The following EXOSC4 variants were observed in gnomAD, a reference collection of about 807,000 sequenced individuals.
EXOSC4 encodes exosome component 4.
In EXOSC4, 14 loss-of-function variants were observed where a neutral mutation model predicts 20.0. That is an observed-to-expected ratio of 0.70 (90% CI 0.46 to 1.09). The LOEUF is 1.09. EXOSC4 is among the 50% of genes least tolerant of loss of function. The probability of loss-of-function intolerance (pLI) is 0.00; values close to 1 mark genes in which losing one functional copy is unlikely to be tolerated. For synonymous variants in EXOSC4, 148 were observed against 146.4 expected, an observed-to-expected ratio of 1.01 and a Z score of -0.08; for missense variants, 337 against 334.0, an observed-to-expected ratio of 1.01 and a Z score of -0.07.
the EXOSC4 span, among the ~76,000 whole-genome samples, chr8:144,067,583 C>A: frequency 6.6e-6 from 1 of 152,192 alleles, no homozygotes; most frequent in Non-Finnish European, 1.5e-5. Flanking sequence ...GAACACCTGA[C>A]TCCTCAGAAG....
chr8:144,071,337 T>C, the EXOSC4 span, among the ~76,000 whole-genome samples: 52 of 138,498 alleles, frequency 3.8e-4, no homozygotes, highest in African/African-American at 1.1e-3. Context: ...CTCCTCTCCT[T>C]TCCTTTCTGA....
rs1587586119 is a variant in EXOSC4, at chr8:144,078,684, C to T, written c.-45C>T. On this transcript the variant is annotated 5_prime_UTR_variant, in exon 1 of 3. Transcript: ENST00000316052. This position sits in a 1 kb window ranked among gnomAD's most constrained non-coding sequence, Gnocchi z 4.7. ...GCCGCCGGGAGCTGTAGTTCTCCCGCGGCTCAGAGAAGTAGGCAGAGAGCG... is the reference window on the plus strand; with the variant it reads ...GCCGCCGGGAGCTGTAGTTCTCCCGTGGCTCAGAGAAGTAGGCAGAGAGCG... The T allele has an allele frequency of 1.5e-6, 2 of 1,350,152 alleles. No individual in the cohort carries two copies. Among genetic ancestry groups the T allele is most frequent in the African/African-American group, 1.5e-5 (1 of 65,198 alleles). The allele number at this position is 1,350,152 out of a possible 1,614,324, so 83.6% of individuals were successfully genotyped here. A position where few individuals can be genotyped will look rare whatever the true frequency, so the allele number is the denominator to read the frequency against.
chr8:144,079,849 G>A (rs782048263), intron 1 of EXOSC4, 94 bp from the exon 2 acceptor site: 14 of 1,201,866 alleles, frequency 1.2e-5, no homozygotes, highest in Non-Finnish European at 1.7e-5. Flanking sequence ...CCCTTGCTGA[G>A]GCATTGAAAG....
the EXOSC4 span, among the ~76,000 whole-genome samples, chr8:144,070,597 C>T: frequency 6.7e-6 from 1 of 150,328 alleles, no homozygotes; most frequent in Non-Finnish European, 1.5e-5. Context: ...GAGGCTGAGG[C>T]AGGTGGATCA....
upstream of EXOSC4, chr8:144,078,122 C>T (rs1835854331): frequency 1.3e-5 from 2 of 152,294 alleles, no homozygotes; most frequent in African/African-American, 4.8e-5. The surrounding 1 kb of genome is among the most constrained non-coding windows in gnomAD (Gnocchi z 4.7). Context: ...AAGGGAGGCC[C>T]ACCTGACTGC....
the EXOSC4 span, among the ~76,000 whole-genome samples, chr8:144,071,253 C>T: frequency 3.5e-4 from 6 of 17,210 alleles, no homozygotes; most frequent in Admixed American, 2.0e-3. Flanking sequence ...CCCCTCCCCC[C>T]TCCCCTCTCC....
upstream of EXOSC4, among the ~76,000 whole-genome samples, chr8:144,075,593 G>T (rs577622973): frequency 6.6e-6 from 1 of 152,176 alleles, no homozygotes; most frequent in South Asian, 2.1e-4. Context: ...AGCTGATCTT[G>T]AACTCCTAGG....
rs1554763390 is a variant in EXOSC4, at chr8:144,080,635, C to A, written c.*34C>A. The A allele has an allele frequency of 6.3e-7, 1 of 1,581,400 alleles. No individual in the cohort carries two copies. Among genetic ancestry groups the A allele is most frequent in the African/African-American group, 1.3e-5 (1 of 74,804 alleles). ...CCACCCATGTCCAGAATAAAACCCT[C>A]CTCTGCCCACACACCCCTCACTGTA... On this transcript the variant is annotated 3_prime_UTR_variant, in exon 3 of 3. Coordinates refer to ENST00000316052, the MANE Select transcript of EXOSC4 (RefSeq NM_019037.3). The surrounding 1 kb of genome is among the most constrained non-coding windows in gnomAD (Gnocchi z 4.9).
chr8:144,074,998 T>A (rs58025024), upstream of EXOSC4, among the ~76,000 whole-genome samples: 8,199 of 152,312 alleles, frequency 0.054, 789 homozygotes, highest in African/African-American at 0.19. Flanking sequence ...ACTTAATTAT[T>A]AGTAATAAAA....
the EXOSC4 span, among the ~76,000 whole-genome samples, chr8:144,065,601 G>A: frequency 1.2e-4 from 18 of 151,808 alleles, no homozygotes; most frequent in Non-Finnish European, 1.6e-4. Context: ...TGGCCGCGAT[G>A]GCAGGCACCT....
chr8:144,072,563 C>A, the EXOSC4 span, among the ~76,000 whole-genome samples: 17 of 152,178 alleles, frequency 1.1e-4, 1 homozygote, highest in Non-Finnish European at 1.9e-4. Context: ...AACATACACA[C>A]GCACCATTCC....
the EXOSC4 span, among the ~76,000 whole-genome samples, chr8:144,066,753 G>A: frequency 0.024 from 3,601 of 152,162 alleles, 57 homozygotes; most frequent in Middle Eastern, 0.041. Context: ...GCCTGGCCTG[G>A]AGTAGAGTAT....
chr8:144,070,590 G>A, the EXOSC4 span, among the ~76,000 whole-genome samples: 20 of 151,540 alleles, frequency 1.3e-4, no homozygotes, highest in African/African-American at 4.6e-4. Context: ...ACTTTGGGAG[G>A]CTGAGGCAGG....
At chr8:144,071,222 C>CCT in the EXOSC4 span, among the ~76,000 whole-genome samples, 1 of 31,402 alleles carries the variant, frequency 3.2e-5, no homozygotes, top group African/African-American at 1.4e-4. Context: ...CTCCCCTCCC[C>CCT]TCCCCCCTCC....
chr8:144,077,256 AAAAC>A (rs1254794319), upstream of EXOSC4, among the ~76,000 whole-genome samples: 17 of 152,312 alleles, frequency 1.1e-4, no homozygotes, highest in Non-Finnish European at 2.1e-4. Context: ...AAAACAAAAC[AAAAC>A]AAAGAAACAA....
At chr8:144,068,218 T>A in the EXOSC4 span, among the ~76,000 whole-genome samples, 1 of 152,144 alleles carries the variant, frequency 6.6e-6, no homozygotes, top group East Asian at 1.9e-4. Context: ...TCATTGAATA[T>A]GTATATTTGG....
upstream of EXOSC4, among the ~76,000 whole-genome samples, chr8:144,076,421 C>T (rs966149180): frequency 1.1e-4 from 16 of 152,272 alleles, no homozygotes; most frequent in African/African-American, 3.4e-4. Context: ...ATACCTCTCA[C>T]GGCCCCTGAA....
chr8:144,076,252 G>A (rs1049209061), upstream of EXOSC4, among the ~76,000 whole-genome samples: 1 of 152,180 alleles, frequency 6.6e-6, no homozygotes, highest in Admixed American at 6.5e-5. Context: ...AGGAGAGGAC[G>A]TGGCCAGCTC....
chr8:144,070,370 A>T, the EXOSC4 span, among the ~76,000 whole-genome samples: 1 of 152,046 alleles, frequency 6.6e-6, no homozygotes, highest in Non-Finnish European at 1.5e-5. Flanking sequence ...ATAAAAATAC[A>T]AAATTGCGCT....
Sources: allele counts gnomAD v4.1 joint callset (sites outside exome capture counted in the v4.1 genomes callset), GRCh38; gene constraint gnomAD v4.1.1; non-coding constraint Gnocchi (gnomAD v3.1); transcripts MANE v1.5; gene names NCBI Gene and HGNC (gene_info 2026-07-23, HGNC 2026-07-21).